The following SLC6A15 variants were observed in gnomAD, a reference collection of about 807,000 sequenced individuals.
The protein encoded by SLC6A15 is sodium-dependent neutral amino acid transporter B(0)AT2.
A neutral mutation model predicts 68.5 loss-of-function variants in SLC6A15; 33 were observed. The observed-to-expected ratio is 0.48, with a 90% CI of 0.37 to 0.64. The LOEUF is 0.64. Among genes scored for constraint, SLC6A15 ranks in the 30% least tolerant of loss-of-function variants. SLC6A15 has a pLI of 0.00. For synonymous variants in SLC6A15, 347 were observed against 301.0 expected, an observed-to-expected ratio of 1.15 and a Z score of -1.58; for missense variants, 747 against 874.3, an observed-to-expected ratio of 0.85 and a Z score of 1.84.
chr12:84,862,981 G>A (rs1870914021), intron 11 of SLC6A15, among the ~76,000 whole-genome samples: 1 of 152,034 alleles, frequency 6.6e-6, no homozygotes, highest in Non-Finnish European at 1.5e-5. Flanking sequence ...TGTAGAGACA[G>A]GGATTCTCTG....
At chr12:84,880,938 T>A (rs1256946399) in intron 5 of SLC6A15, 2 of 945,938 alleles carry the variant, frequency 2.1e-6, no homozygotes, top group Non-Finnish European at 2.5e-6. Flanking sequence ...GCCCTGTCTA[T>A]CATGTATTGG....
chr12:84,863,511 T>C lies in SLC6A15; in HGVS notation c.1746A>G (p.Leu582=), dbSNP rs1218667814. 2 of 1,597,118 alleles carry C rather than the reference T, an allele frequency of 1.3e-6. No individual in the cohort carries two copies. The highest frequency in any genetic ancestry group is 1.7e-6 in the Non-Finnish European group (2 of 1,173,298). The change falls in exon 11 of 12, where the codon TTA becomes TTG. Residue 582 remains leucine (L), a synonymous_variant. Coordinates refer to ENST00000266682, the MANE Select transcript of SLC6A15 (RefSeq NM_182767.6). ...MWKYISPLML[L]SLLIASVVNM... ...TCACAACACTAGCTATTAGCAATGA[T>C]AATAGCATTAGAGGAGAAATATATT...
intron 6 of SLC6A15, chr12:84,874,426 C>T (rs1256643785): frequency 1.3e-5 from 2 of 152,178 alleles, no homozygotes; most frequent in Non-Finnish European, 2.9e-5. Flanking sequence ...TTAGTACTCA[C>T]AACAACCCAC....
At position 84,892,282 on chromosome 12, in the gene SLC6A15, T is replaced by A. The variant is rs750324435; in HGVS notation, c.-162A>T. On this transcript the variant is annotated 5_prime_UTR_variant, in exon 2 of 12. Transcript: ENST00000266682. ...GTGATAAAGCCTTATGGATTCTGAA[T>A]CCGTATGTCCAGTATTCTGTAGGTA... 1.5e-4 allele frequency: 92 copies of A among 623,816 alleles called. No homozygotes were observed. Among genetic ancestry groups the A allele is most frequent in the Non-Finnish European group, 2.3e-4 (88 of 374,736 alleles). 38.6% of individuals were successfully genotyped at this position (623,816 alleles called of 1,614,324 possible).
At chr12:84,912,377 C>T (rs796107898) in intron 1 of SLC6A15, 146 bp downstream of exon 1, 24 of 152,710 alleles carry the variant, frequency 1.6e-4, no homozygotes, top group African/African-American at 5.8e-4. Flanking sequence ...AGCTGCCCTC[C>T]CTCCTCCCAC....
intron 2 of SLC6A15, among the ~76,000 whole-genome samples, chr12:84,889,908 G>C (rs1208200963): frequency 6.9e-6 from 1 of 144,670 alleles, no homozygotes; most frequent in Non-Finnish European, 1.5e-5. Context: ...GTTTTAAAAG[G>C]ATAATATCAC....
At chr12:84,888,445 A>T (rs1228320544) in intron 2 of SLC6A15, among the ~76,000 whole-genome samples, 1 of 152,120 alleles carries the variant, frequency 6.6e-6, no homozygotes, top group African/African-American at 2.4e-5. Context: ...AAAGGAACAA[A>T]ATAATGCCCT....
intron 6 of SLC6A15, among the ~76,000 whole-genome samples, 171 bp downstream of exon 6, chr12:84,876,326 A>G (rs922534066): frequency 6.6e-6 from 1 of 152,128 alleles, no homozygotes. Context: ...ATAAATGGCT[A>G]TAATTATACA....
Position 84,869,276 on chromosome 12 carries a change from G to A in SLC6A15, c.1495+1202C>T, listed in dbSNP as rs1476855811. Among the ~76,000 whole-genome samples, 5 of 151,750 alleles carry A rather than the reference G, an allele frequency of 3.3e-5. No individual in the cohort carries two copies. The East Asian group carries it at 7.8e-4, about 24-fold the overall frequency. On this transcript the variant is annotated intron_variant, in intron 9 of 11. Transcript: ENST00000266682. ...AGATTGAGACCATCCTGGCTAACAC[G>A]GTGAAACCCCGTCTCTATTAAAAAA...
chr12:84,905,293 A>T (rs1025327637), intron 1 of SLC6A15, among the ~76,000 whole-genome samples: 1 of 152,330 alleles, frequency 6.6e-6, no homozygotes, highest in South Asian at 2.1e-4. Context: ...TACAATAATG[A>T]CAGGCTAAAG....
Position 84,883,852 on chromosome 12 carries a change from T to C in SLC6A15, c.756+7A>G, listed in dbSNP as rs1287959728. 3.1e-6 allele frequency: 5 copies of C among 1,614,088 alleles called. No individual in the cohort carries two copies. The highest frequency in any genetic ancestry group is 4.2e-6 in the Non-Finnish European group (5 of 1,180,010). Reference sequence around the variant, plus strand: ...AGCAGAATGAGGAAGGGCTCTAACATACTAACTTTTCCAGAAGACTGAATG... The same window carrying C: ...AGCAGAATGAGGAAGGGCTCTAACACACTAACTTTTCCAGAAGACTGAATG... On this transcript the variant is annotated splice_region_variant and intron_variant, in intron 5 of 11. Coordinates refer to ENST00000266682, the MANE Select transcript of SLC6A15 (RefSeq NM_182767.6).
Position 84,883,895 on chromosome 12 carries a change from G to A in SLC6A15, c.720C>T (p.Cys240=). ...ACTGAATGCCTTTGATCATAGCCAA[G>A]CAAACCATGACCCAGGCAGCCAACA... The part of the protein sequence containing the change: ...ICLLAAWVMV[C]LAMIKGIQSS... The change falls in exon 5 of 12, where the codon TGC becomes TGT. Residue 240 remains cysteine, a synonymous_variant. Transcript: ENST00000266682. 2.5e-6 allele frequency: 4 copies of A among 1,614,036 alleles called. No homozygotes were observed. Among genetic ancestry groups the A allele is most frequent in the Non-Finnish European group, 3.4e-6 (4 of 1,179,980 alleles).
At chr12:84,900,980 GTA>G (rs1160146348) in intron 1 of SLC6A15, among the ~76,000 whole-genome samples, 1 of 139,224 alleles carries the variant, frequency 7.2e-6, no homozygotes, top group Non-Finnish European at 1.5e-5. Context: ...ATATATACAT[GTA>G]TATATGTGTA....
At chr12:84,904,142 T>C (rs1413060880) in intron 1 of SLC6A15, among the ~76,000 whole-genome samples, 5 of 148,692 alleles carry the variant, frequency 3.4e-5, no homozygotes, top group African/African-American at 1.2e-4. Context: ...CTAGGCACCA[T>C]GTAAAACGTC....
intron 2 of SLC6A15, among the ~76,000 whole-genome samples, chr12:84,887,368 A>G (rs1438787092): frequency 6.6e-6 from 1 of 152,212 alleles, no homozygotes; most frequent in African/African-American, 2.4e-5. Flanking sequence ...CAGCTGAAGC[A>G]GTGAAATAAT....
At chr12:84,872,459 A>T (rs965234475) in intron 8 of SLC6A15, 143 bp downstream of exon 8, 1 of 504,394 alleles carries the variant, frequency 2.0e-6, no homozygotes, top group African/African-American at 2.0e-5. Flanking sequence ...ATTCTGAAGG[A>T]CTTATAATGC....
At chr12:84,876,952 TTTG>T (rs1871575626) in intron 5 of SLC6A15, among the ~76,000 whole-genome samples, 1 of 152,188 alleles carries the variant, frequency 6.6e-6, no homozygotes, top group Admixed American at 6.5e-5. Flanking sequence ...TTCCTACTTT[TTTG>T]TTGTTGTTCT....
intron 1 of SLC6A15, among the ~76,000 whole-genome samples, chr12:84,907,426 T>C (rs966515404): frequency 6.6e-6 from 1 of 152,010 alleles, no homozygotes; most frequent in African/African-American, 2.4e-5. Context: ...TCAATGAATA[T>C]TATATATGAA....
chr12:84,860,143 C>G lies in SLC6A15; in HGVS notation c.*1489G>C, dbSNP rs1034953767. On this transcript the variant is annotated 3_prime_UTR_variant, in exon 12 of 12. Coordinates refer to ENST00000266682, the MANE Select transcript of SLC6A15 (RefSeq NM_182767.6). ...ATGCTGTGATACCATTTATTAACAT[C>G]TATCTATAGCAGAGCGAGAATACTG... 7.2e-5 allele frequency: 11 copies of G among 152,004 alleles called. No homozygotes were observed. Among genetic ancestry groups the G allele is most frequent in the Admixed American group, 3.3e-4 (5 of 15,250 alleles). The allele number at this position is 152,004 out of a possible 1,614,324, so 9.4% of individuals were successfully genotyped here. A position where few individuals can be genotyped will look rare whatever the true frequency, so the allele number is the denominator to read the frequency against.
Sources: allele counts gnomAD v4.1 joint callset (sites outside exome capture counted in the v4.1 genomes callset), GRCh38; gene constraint gnomAD v4.1.1; transcripts MANE v1.5; gene names NCBI Gene and HGNC (gene_info 2026-07-23, HGNC 2026-07-21).